Variants in PRORP observed in about 807,000 individuals in gnomAD.
PRORP encodes mitochondrial ribonuclease P catalytic subunit.
In PRORP, 51 loss-of-function variants were observed where a neutral mutation model predicts 59.4. The ratio of observed to expected loss-of-function variants is 0.86; its 90% CI spans 0.69 to 1.08. The LOEUF is 1.08. Ranked by LOEUF, PRORP falls within the 50% of genes least tolerant of loss-of-function variation. The pLI is 0.00. For synonymous variants in PRORP, 231 were observed against 245.6 expected, an observed-to-expected ratio of 0.94 and a Z score of 0.55; for missense variants, 646 against 690.3, an observed-to-expected ratio of 0.94 and a Z score of 0.72.
In PRORP at chr14:35,273,539, A is replaced by G. The variant is rs1198111060; in HGVS notation, c.1725A>G (p.Lys575=). 6.2e-7 allele frequency: 1 copy of G among 1,613,512 alleles called. No homozygotes were observed. Among genetic ancestry groups the G allele is most frequent in the Non-Finnish European group, 8.5e-7 (1 of 1,179,726 alleles). Reference sequence around the variant, plus strand: ...GATGTTCCTGTGAAGTACCAACCAAATGGCTTTGCCTCCACCAAAAGACAT... The same window carrying G: ...GATGTTCCTGTGAAGTACCAACCAAGTGGCTTTGCCTCCACCAAAAGACAT... ...VERCSCEVPT[K]WLCLHQKT Residue 575 remains lysine (K), a synonymous_variant, in exon 8 of 8, where the codon AAA becomes AAG. Transcript: ENST00000534898.
At chr14:35,267,218 G>A (rs956068645) in intron 6 of PRORP, among the ~76,000 whole-genome samples, 5 of 152,144 alleles carry the variant, frequency 3.3e-5, no homozygotes, top group African/African-American at 1.2e-4. Flanking sequence ...CACCTTCTAT[G>A]TTCTTGGAGA....
chr14:35,213,671 G>A (rs1281894809), intron 5 of PRORP, among the ~76,000 whole-genome samples: 1 of 152,158 alleles, frequency 6.6e-6, no homozygotes, highest in Non-Finnish European at 1.5e-5. Flanking sequence ...TGGGGAAAGG[G>A]AAGAGAGGGA....
chr14:35,132,207 C>T (rs1345493810), intron 4 of PRORP, among the ~76,000 whole-genome samples: 1 of 151,336 alleles, frequency 6.6e-6, no homozygotes, highest in Non-Finnish European at 1.5e-5. Context: ...CTTGTAATCC[C>T]AGCACTTTGG....
At chr14:35,157,625 A>G (rs551833238) in intron 4 of PRORP, among the ~76,000 whole-genome samples, 1 of 151,966 alleles carries the variant, frequency 6.6e-6, no homozygotes, top group Admixed American at 6.5e-5. Context: ...CCTGACCTCA[A>G]GTGATCTGCC....
chr14:35,180,020 G>T (rs2048559676), intron 4 of PRORP, among the ~76,000 whole-genome samples: 1 of 152,212 alleles, frequency 6.6e-6, no homozygotes. Flanking sequence ...GTTTGCCTGG[G>T]TATCAGCAGC....
At chr14:35,151,631 C>G (rs2047749157) in intron 4 of PRORP, among the ~76,000 whole-genome samples, 1 of 114,394 alleles carries the variant, frequency 8.7e-6, no homozygotes, top group Admixed American at 1.0e-4. Context: ...ACATGCTACA[C>G]ACACACATAC....
intron 4 of PRORP, among the ~76,000 whole-genome samples, chr14:35,151,360 A>G (rs551871279): frequency 6.6e-6 from 1 of 152,234 alleles, no homozygotes; most frequent in African/African-American, 2.4e-5. Context: ...TTCTGAAGGA[A>G]GAGAAAACTA....
chr14:35,259,034 T>G (rs958581060), intron 5 of PRORP, among the ~76,000 whole-genome samples: 2 of 152,228 alleles, frequency 1.3e-5, no homozygotes, highest in Non-Finnish European at 2.9e-5. Context: ...TTATCTCAAT[T>G]GTTGAGAGAG....
intron 5 of PRORP, among the ~76,000 whole-genome samples, chr14:35,211,795 TG>T: frequency 6.6e-6 from 1 of 152,286 alleles, no homozygotes; most frequent in Non-Finnish European, 1.5e-5. Flanking sequence ...TGCTGACAGT[TG>T]GGGTGGCTGT....
chr14:35,223,525 T>A (rs2049851059), intron 5 of PRORP, among the ~76,000 whole-genome samples: 1 of 149,382 alleles, frequency 6.7e-6, no homozygotes. Context: ...AGTGGTGTGA[T>A]CTCGGCTCAC....
At chr14:35,258,034 A>T (rs1181059140) in intron 5 of PRORP, among the ~76,000 whole-genome samples, 1 of 150,344 alleles carries the variant, frequency 6.7e-6, no homozygotes, top group Non-Finnish European at 1.5e-5. Flanking sequence ...TTATGCCAAA[A>T]GTTGATGTGT....
chr14:35,198,302 C>T (rs1357884820), intron 5 of PRORP, among the ~76,000 whole-genome samples: 1 of 152,200 alleles, frequency 6.6e-6, no homozygotes, highest in Non-Finnish European at 1.5e-5. Flanking sequence ...GAGGGCAGGG[C>T]CATGTGGGCA....
intron 5 of PRORP, among the ~76,000 whole-genome samples, chr14:35,265,772 G>C (rs1252210930): frequency 6.6e-6 from 1 of 151,980 alleles, no homozygotes; most frequent in African/African-American, 2.4e-5. Flanking sequence ...ATATATAAAG[G>C]TTGAGCCGTT....
chr14:35,121,913 G>A (rs148021091), upstream of PRORP: 15 of 1,614,066 alleles, frequency 9.3e-6, no homozygotes, highest in Non-Finnish European at 1.1e-5. Flanking sequence ...GTTTGGACAG[G>A]TGTTGGGCGT....
At chr14:35,164,002 C>T (rs926880711) in intron 4 of PRORP, among the ~76,000 whole-genome samples, 2 of 152,158 alleles carry the variant, frequency 1.3e-5, no homozygotes, top group African/African-American at 4.8e-5. Context: ...AGCCAGTTAT[C>T]TGAGCACCAT....
chr14:35,126,814 G>A, intron 3 of PRORP, 32 bp downstream of exon 3: 1 of 1,569,732 alleles, frequency 6.4e-7, no homozygotes, highest in East Asian at 2.3e-5. Context: ...TAACTTGTTT[G>A]ATTTTGGTTT....
chr14:35,127,765 A>G (rs935341869), intron 4 of PRORP, among the ~76,000 whole-genome samples, 154 bp downstream of exon 4: 3 of 152,218 alleles, frequency 2.0e-5, no homozygotes, highest in Admixed American at 2.0e-4. Flanking sequence ...TAAGACATCC[A>G]TAGATAATAC....
intron 4 of PRORP, among the ~76,000 whole-genome samples, chr14:35,133,748 A>G (rs951478024): frequency 8.5e-5 from 13 of 152,222 alleles, no homozygotes; most frequent in African/African-American, 3.1e-4. Flanking sequence ...TACTGCCTTC[A>G]TGGCCTTGAA....
intron 5 of PRORP, among the ~76,000 whole-genome samples, chr14:35,209,590 T>G (rs1378448341): frequency 6.6e-6 from 1 of 152,164 alleles, no homozygotes; most frequent in Non-Finnish European, 1.5e-5. Context: ...CTCGCTCTGT[T>G]GCCCAGGCTG....
Sources: gnomAD v4.1 joint callset for allele counts (sites outside exome capture counted in the v4.1 genomes callset) on GRCh38, gnomAD v4.1.1 for gene constraint, MANE v1.5 for transcripts, NCBI Gene and HGNC (gene_info 2026-07-23, HGNC 2026-07-21) for gene names.